LIMK1: variants seen among roughly 807,000 people sequenced by gnomAD.
LIMK1 encodes LIM domain kinase 1.
LIMK1 carries 21 observed loss-of-function variants against 77.6 expected under a neutral mutation model. The ratio of observed to expected loss-of-function variants is 0.27; its 90% CI spans 0.19 to 0.39. The LOEUF (loss-of-function observed/expected upper bound fraction) is 0.39. Ranked by LOEUF, LIMK1 falls within the 10% of genes least tolerant of loss-of-function variation. LIMK1 has a pLI of 1.00. For synonymous variants in LIMK1, 358 were observed against 370.0 expected (o/e 0.97, Z 0.37); for missense variants, 696 against 901.6 (o/e 0.77, Z 2.92).
intron 1 of LIMK1, 143 bp from the exon 2 acceptor site, chr7:74,085,605 G>A (rs956450191): frequency 2.8e-5 from 20 of 708,678 alleles, no homozygotes; most frequent in South Asian, 4.6e-5. Flanking sequence ...TTGGCACAGC[G>A]ACTGCCCTGC....
rs782476671 is a variant in LIMK1 at position 74,105,883 on chromosome 7, C to T, written c.617C>T (p.Pro206Leu). The T allele has an allele frequency of 5.2e-5, 84 of 1,612,850 alleles. No individual in the cohort carries two copies. Among genetic ancestry groups the T allele is most frequent in the East Asian group, 1.3e-4 (6 of 44,870 alleles). Reference sequence around the variant, plus strand: ...CCCTGCCTTACCCACAGAGTGGATCCGGGCTGCATGAGCCCAGATGTGAAG... The same window carrying T: ...CCCTGCCTTACCCACAGAGTGGATCTGGGCTGCATGAGCCCAGATGTGAAG... ...SHTVRVQGVD[P>L]GCMSPDVKNS... is the part of the protein sequence containing the mutation. Residue 206 changes from proline (P) to leucine (L), a missense_variant, in exon 6 of 16, where the codon CCG (proline) becomes CTG (leucine). Physicochemically the swap from Pro to Leu is moderately conservative, Grantham distance 98. This residue lies in a region of LIMK1 where 252 missense variants were observed against 279.4 expected (regional missense o/e 0.90). Transcript: ENST00000336180.
intron 5 of LIMK1, 66 bp from the exon 6 acceptor site, chr7:74,105,809 C>T (rs1015671873): frequency 4.2e-6 from 5 of 1,190,592 alleles, no homozygotes; most frequent in Admixed American, 1.8e-5. Context: ...GTGCCCTTCG[C>T]CTTGGTTTCC....
chr7:74,117,844 A>C (rs1349552099), intron 13 of LIMK1, among the ~76,000 whole-genome samples: 1 of 152,120 alleles, frequency 6.6e-6, no homozygotes, highest in Non-Finnish European at 1.5e-5. Flanking sequence ...ACAGTGGCTC[A>C]CACCTGTAAT....
At chr7:74,117,561 T>A (rs1799841180) in intron 13 of LIMK1, among the ~76,000 whole-genome samples, 1 of 151,934 alleles carries the variant, frequency 6.6e-6, no homozygotes, top group Admixed American at 6.6e-5. Flanking sequence ...AGATTATAGG[T>A]TATAAAGTCC....
At chr7:74,109,281 G>T in intron 10 of LIMK1, 1 of 461,022 alleles carries the variant, frequency 2.2e-6, no homozygotes, top group Non-Finnish European at 4.1e-6. Context: ...GATCACTCGA[G>T]GCCAGGAATT....
At position 74,099,223 on chromosome 7, in the gene LIMK1, C is replaced by T. The variant is rs1479639469; in HGVS notation, c.593C>T (p.Thr198Ile). ...PPGCGTEHSH[T>I]VRVQGVDPGC... is the part of the protein sequence containing the mutation. The stretch of plus-strand genomic sequence containing the variant: ...GGCTGTGGCACCGAGCACTCACACA[C>T]CGTCCGCGTCCAGGGGTGAGTGGCC... The change falls in exon 5 of 16, where the codon ACC becomes ATC. Residue 198 changes from threonine (T) to isoleucine (I), a missense_variant. Thr to Ile is a moderately conservative substitution (Grantham distance 89). Around this residue, in one of 3 missense-constraint regions of LIMK1, gnomAD observed 252 missense variants for 279.4 expected, o/e 0.90. Transcript: ENST00000336180. 1.2e-6 allele frequency: 2 copies of T among 1,605,488 alleles called. No individual in the cohort carries two copies. The highest frequency in any genetic ancestry group is 1.3e-5 in the African/African-American group (1 of 75,062).
At chr7:74,113,656 GC>G (rs1305699455) in intron 12 of LIMK1, among the ~76,000 whole-genome samples, 1 of 151,522 alleles carries the variant, frequency 6.6e-6, no homozygotes, top group Admixed American at 6.6e-5. Context: ...GGCAAGAGGG[GC>G]TGACAAGAGA....
intron 13 of LIMK1, among the ~76,000 whole-genome samples, chr7:74,119,512 T>C (rs1799889749): frequency 6.6e-6 from 1 of 151,900 alleles, no homozygotes; most frequent in African/African-American, 2.4e-5. Flanking sequence ...ATTAAGTAGC[T>C]GGTATCATTC....
At chr7:74,093,278 G>GC (rs1563912905) in intron 2 of LIMK1, 1 of 1,535,880 alleles carries the variant, frequency 6.5e-7, no homozygotes, top group East Asian at 2.4e-5. Context: ...CCAAGAAGAC[G>GC]CCGCTTCCTC....
intron 3 of LIMK1, 91 bp from the exon 4 acceptor site, chr7:74,096,989 T>G (rs1563914937): frequency 8.7e-7 from 1 of 1,146,178 alleles, no homozygotes. Flanking sequence ...GTTGTTTTTT[T>G]GGTGACACCC....
At position 74,116,784 on chromosome 7, in the gene LIMK1, C is replaced by T. The variant is rs547074405; in HGVS notation, c.1567+826C>T. On this transcript the variant is annotated intron_variant, in intron 13 of 15. Transcript: ENST00000336180. ...TGGTGCCACCATAGCTCACTGCAGC[C>T]TCAACCTTCTGGGCTCAAACTGTCA... Among the ~76,000 whole-genome samples, 511 of 151,978 alleles carry T rather than the reference C, an allele frequency of 3.4e-3. 1 individual carries two copies. The highest frequency in any genetic ancestry group is 5.1e-3 in the Non-Finnish European group (350 of 67,966).
chr7:74,119,083 G>C (rs1784177428), intron 13 of LIMK1, among the ~76,000 whole-genome samples: 1 of 151,488 alleles, frequency 6.6e-6, no homozygotes, highest in Admixed American at 6.6e-5. Flanking sequence ...TTTTAGTAGA[G>C]ACGGGGTTTC....
chr7:74,090,872 A>C (rs1023332793), intron 2 of LIMK1, among the ~76,000 whole-genome samples: 1 of 152,084 alleles, frequency 6.6e-6, no homozygotes, highest in Non-Finnish European at 1.5e-5. Context: ...CCCACTCTGC[A>C]TTAGGCCCCT....
At chr7:74,091,590 G>C (rs1258781714) in intron 2 of LIMK1, among the ~76,000 whole-genome samples, 2 of 152,200 alleles carry the variant, frequency 1.3e-5, no homozygotes, top group Non-Finnish European at 2.9e-5. Context: ...AGCGCGTGAG[G>C]AGTAGAATCA....
In LIMK1 at chr7:74,121,428, C is replaced by A. The variant is rs2115776480; in HGVS notation, c.*127C>A. ...GCTTCTCCTCAGAGCCAGGCCCTGA[C>A]TTGCCTTCTCCCACCCCGTGGACCG... is the stretch of plus-strand genomic sequence containing the variant. On this transcript the variant is annotated 3_prime_UTR_variant, in exon 16 of 16. Coordinates refer to ENST00000336180, the MANE Select transcript of LIMK1 (RefSeq NM_002314.4). 1 of 1,007,500 alleles carries A rather than the reference C, an allele frequency of 9.9e-7. No homozygotes were observed. The highest frequency in any genetic ancestry group is 1.4e-6 in the Non-Finnish European group (1 of 709,986). The allele number at this position is 1,007,500 out of a possible 1,614,324, so 62.4% of individuals were successfully genotyped here. A position where few individuals can be genotyped will look rare whatever the true frequency, so the allele number is the denominator to read the frequency against.
chr7:74,086,077 G>A (rs1269934620), intron 2 of LIMK1, among the ~76,000 whole-genome samples: 6 of 151,932 alleles, frequency 3.9e-5, no homozygotes, highest in Non-Finnish European at 5.9e-5. Flanking sequence ...ACGGAGTCTC[G>A]CTCTGTCACC....
chr7:74,107,005 C>A lies in LIMK1; in HGVS notation c.882-5C>A. ...GTGGCACTTGGCACCATGTGTGCCCCCCAGGAGGAGCTGCAGCATCGACAG... is the reference window on the plus strand; with the variant it reads ...GTGGCACTTGGCACCATGTGTGCCCACCAGGAGGAGCTGCAGCATCGACAG... On this transcript the variant is annotated splice_polypyrimidine_tract_variant and splice_region_variant and intron_variant, in intron 7 of 15. Coordinates refer to ENST00000336180, the MANE Select transcript of LIMK1 (RefSeq NM_002314.4). 1.3e-6 allele frequency: 2 copies of A among 1,575,380 alleles called. No homozygotes were observed. The highest frequency in any genetic ancestry group is 1.7e-6 in the Non-Finnish European group (2 of 1,161,778).
chr7:74,088,360 G>A (rs1215612405), intron 2 of LIMK1, among the ~76,000 whole-genome samples: 1 of 152,176 alleles, frequency 6.6e-6, no homozygotes, highest in African/African-American at 2.4e-5. Context: ...AACAGGCAGA[G>A]GAAACCATCT....
At chr7:74,112,523 G>A (rs1037563371) in intron 12 of LIMK1, among the ~76,000 whole-genome samples, 5 of 151,934 alleles carry the variant, frequency 3.3e-5, no homozygotes, top group Non-Finnish European at 5.9e-5. Context: ...GATCGAGACC[G>A]TCCTGGCTAA....
Sources: gnomAD v4.1 joint callset for allele counts (sites outside exome capture counted in the v4.1 genomes callset) on GRCh38, gnomAD v4.1.1 for gene constraint, gnomAD v4.1.1 regional missense constraint, MANE v1.5 for transcripts, NCBI Gene and HGNC (gene_info 2026-07-23, HGNC 2026-07-21) for gene names.